The following CCSER1 variants were observed in gnomAD, a reference collection of about 807,000 sequenced individuals.
CCSER1 encodes coiled-coil serine rich protein 1.
In CCSER1, 41 loss-of-function variants were observed where a neutral mutation model predicts 82.0. That is an observed-to-expected ratio of 0.50 (90% CI 0.39 to 0.65). CCSER1 has a LOEUF of 0.65. Ranked by LOEUF, CCSER1 falls within the 30% of genes least tolerant of loss-of-function variation. CCSER1 has a pLI of 0.00. For synonymous variants in CCSER1, 414 were observed against 383.9 expected (o/e 1.08, Z -0.92); for missense variants, 1,119 against 1,064.2 (o/e 1.05, Z -0.72).
At chr4:90,244,876 TATC>T (rs941444817) in intron 1 of CCSER1, among the ~76,000 whole-genome samples, 1 of 152,088 alleles carries the variant, frequency 6.6e-6, no homozygotes, top group African/African-American at 2.4e-5. Context: ...TGTTTAGAGG[TATC>T]ATAGACAGGT....
intron 5 of CCSER1, among the ~76,000 whole-genome samples, chr4:90,534,580 A>C (rs527268005): frequency 1.3e-5 from 2 of 152,232 alleles, no homozygotes; most frequent in South Asian, 4.1e-4. Context: ...TGAAAGGCTA[A>C]AGCAAATATT....
chr4:91,434,466 G>T (rs1176294245), intron 10 of CCSER1, among the ~76,000 whole-genome samples: 1 of 152,034 alleles, frequency 6.6e-6, no homozygotes, highest in Non-Finnish European at 1.5e-5. Flanking sequence ...CCTAACAAAA[G>T]CAATACGGGT....
intron 4 of CCSER1, among the ~76,000 whole-genome samples, chr4:90,403,574 A>C (rs544905843): frequency 2.2e-4 from 33 of 152,086 alleles, no homozygotes; most frequent in African/African-American, 7.9e-4. Flanking sequence ...ATATTGATAA[A>C]AATCACAGCA....
intron 3 of CCSER1, among the ~76,000 whole-genome samples, chr4:90,372,846 TAA>T (rs1343666213): frequency 6.6e-6 from 1 of 152,030 alleles, no homozygotes; most frequent in Non-Finnish European, 1.5e-5. Context: ...CATTTTATTA[TAA>T]GTGATTATGA....
intron 4 of CCSER1, among the ~76,000 whole-genome samples, chr4:90,460,641 A>C (rs1762779842): frequency 6.6e-6 from 1 of 152,196 alleles, no homozygotes; most frequent in Non-Finnish European, 1.5e-5. Flanking sequence ...TCACATCTTA[A>C]CAAATATCTC....
At position 91,417,528 on chromosome 4, in the gene CCSER1, C is replaced by G. The variant is rs576048135; in HGVS notation, c.2218-181044C>G. ...ATGCAGCTATAAAAAGGAATGAGAT[C>G]CTGTTCTTTGCAGGGACATGGATGG... On this transcript the variant is annotated intron_variant, in intron 10 of 10. Coordinates refer to ENST00000509176, the MANE Select transcript of CCSER1 (RefSeq NM_001145065.2). Among the ~76,000 whole-genome samples, 6 of 152,180 alleles carry G rather than the reference C, an allele frequency of 3.9e-5. No individual in the cohort carries two copies. The South Asian group carries it at 1.2e-3, about 32-fold the overall frequency.
intron 8 of CCSER1, among the ~76,000 whole-genome samples, chr4:90,896,407 T>C (rs1299777547): frequency 1.3e-5 from 2 of 151,976 alleles, no homozygotes; most frequent in African/African-American, 2.4e-5. Context: ...AAGTTTCAGC[T>C]TTCTACTATT....
intron 6 of CCSER1, among the ~76,000 whole-genome samples, chr4:90,664,636 C>T (rs376637087): frequency 5.3e-5 from 8 of 152,278 alleles, no homozygotes; most frequent in African/African-American, 1.9e-4. Flanking sequence ...CACGGTAGCT[C>T]ACGCCTGTAA....
chr4:90,379,969 T>TAA (rs1561130966), intron 3 of CCSER1, among the ~76,000 whole-genome samples: 1 of 152,068 alleles, frequency 6.6e-6, no homozygotes, highest in African/African-American at 2.4e-5. Context: ...TACACTCTTT[T>TAA]AAACAACCAG....
chr4:90,308,178 G>A (rs1734646768), intron 1 of CCSER1, 66 bp from the exon 2 acceptor site: 1 of 1,194,020 alleles, frequency 8.4e-7, no homozygotes, highest in African/African-American at 1.6e-5. Context: ...GCAATATTTT[G>A]TTTTAAAATG....
chr4:91,360,618 G>A (rs142586604), intron 10 of CCSER1, among the ~76,000 whole-genome samples: 5 of 151,828 alleles, frequency 3.3e-5, no homozygotes, highest in Admixed American at 2.0e-4. Context: ...TTGTGTCCAA[G>A]GATAGACCCT....
chr4:90,950,948 A>C (rs558726141), intron 9 of CCSER1, among the ~76,000 whole-genome samples: 1 of 152,054 alleles, frequency 6.6e-6, no homozygotes, highest in Non-Finnish European at 1.5e-5. Context: ...TTTATCATTG[A>C]TTTTCACTGA....
At chr4:90,938,832 A>G (rs571621505) in intron 9 of CCSER1, 2 of 178,368 alleles carry the variant, frequency 1.1e-5, no homozygotes, top group East Asian at 1.5e-4. Context: ...TATTTTAAGT[A>G]TGTAATATAG....
chr4:90,333,124 A>T (rs977756300), intron 3 of CCSER1, among the ~76,000 whole-genome samples: 20 of 152,178 alleles, frequency 1.3e-4, no homozygotes, highest in Admixed American at 6.5e-5. Flanking sequence ...TGTTCTTCTT[A>T]GTGGATCATG....
intron 10 of CCSER1, among the ~76,000 whole-genome samples, chr4:91,460,361 C>T (rs1340457713): frequency 1.3e-5 from 2 of 151,986 alleles, no homozygotes; most frequent in Admixed American, 1.3e-4. Context: ...GAAAATAATG[C>T]AGAGAATTGA....
At chr4:90,152,957 C>T (rs1377372106) in intron 1 of CCSER1, among the ~76,000 whole-genome samples, 1 of 150,468 alleles carries the variant, frequency 6.6e-6, no homozygotes, top group Non-Finnish European at 1.5e-5. Context: ...CATATGTATA[C>T]ATGTGCCATG....
In CCSER1 at chr4:90,763,919, G is replaced by A. The variant is rs548753256; in HGVS notation, c.2010+39928G>A. On this transcript the variant is annotated intron_variant, in intron 7 of 10. Coordinates refer to ENST00000509176, the MANE Select transcript of CCSER1 (RefSeq NM_001145065.2). Reference sequence around the variant, plus strand: ...AAATGTTTTCTTATAACTTTCCGGTGTCCTCTGCATTAGCTTTTAAAATGT... The same window carrying A: ...AAATGTTTTCTTATAACTTTCCGGTATCCTCTGCATTAGCTTTTAAAATGT... Among the ~76,000 whole-genome samples, 4 of 152,178 alleles carry A rather than the reference G, an allele frequency of 2.6e-5. No homozygotes were observed. In the South Asian group the frequency reaches 8.3e-4, roughly 32 times the overall value.
chr4:90,725,230 C>T (rs183954213), intron 7 of CCSER1, among the ~76,000 whole-genome samples: 36 of 151,740 alleles, frequency 2.4e-4, no homozygotes, highest in Admixed American at 7.9e-4. Flanking sequence ...CTCAAAACTT[C>T]GCCAGAAACC....
intron 3 of CCSER1, among the ~76,000 whole-genome samples, chr4:90,388,850 G>A (rs1299412438): frequency 6.6e-6 from 1 of 151,558 alleles, no homozygotes; most frequent in African/African-American, 2.4e-5. Flanking sequence ...TGGTCAGGCT[G>A]GTCTTGAACT....
Sources: allele counts gnomAD v4.1 joint callset (sites outside exome capture counted in the v4.1 genomes callset), GRCh38; gene constraint gnomAD v4.1.1; transcripts MANE v1.5; gene names NCBI Gene and HGNC (gene_info 2026-07-23, HGNC 2026-07-21).